Variants in SEC24D observed in about 807,000 individuals in gnomAD.
SEC24D encodes the protein protein transport protein Sec24D.
In SEC24D, 69 loss-of-function variants were observed where a neutral mutation model predicts 116.9. The observed-to-expected ratio is 0.59, with a 90% CI of 0.49 to 0.72. SEC24D has a LOEUF of 0.72. SEC24D is among the 30% of genes least tolerant of loss of function. The pLI is 0.00. For missense variants in SEC24D, 1,131 were observed against 1,264.1 expected, an observed-to-expected ratio of 0.89 and a Z score of 1.60; for synonymous variants, 405 against 442.8, an observed-to-expected ratio of 0.91 and a Z score of 1.07.
rs1213219036 is a variant in SEC24D at position 118,815,115 on chromosome 4, G to A, written c.714C>T (p.Tyr238=). Residue 238 remains tyrosine (Y), a synonymous_variant, in exon 6 of 23, where the codon TAC becomes TAT. Coordinates refer to ENST00000280551, the MANE Select transcript of SEC24D (RefSeq NM_014822.4). The part of the protein sequence containing the change: ...GPQMAGAQLS[Y]PGGFPGGPAQ... Reference sequence around the variant, plus strand: ...CAGGACCTCCAGGGAAGCCTCCTGGGTAAGACAGTTGTGCGCCTGCCATCT... The same window carrying A: ...CAGGACCTCCAGGGAAGCCTCCTGGATAAGACAGTTGTGCGCCTGCCATCT... The A allele has an allele frequency of 1.2e-6, 2 of 1,614,032 alleles. No homozygotes were observed. Among genetic ancestry groups the A allele is most frequent in the Non-Finnish European group, 1.7e-6 (2 of 1,180,006 alleles).
At chr4:118,816,024 T>C (rs1730131451) in intron 4 of SEC24D, among the ~76,000 whole-genome samples, 1 of 151,576 alleles carries the variant, frequency 6.6e-6, no homozygotes. Flanking sequence ...TGGGCTCCAG[T>C]GATCCTCCCA....
chr4:118,757,894 A>G, intron 10 of SEC24D, 49 bp from the exon 11 acceptor site: 1 of 1,492,940 alleles, frequency 6.7e-7, no homozygotes, highest in Non-Finnish European at 9.1e-7. Flanking sequence ...ACATTGCATA[A>G]TCAAATGTCA....
chr4:118,723,464 G>C lies in SEC24D; in HGVS notation c.*51C>G. ...TATCATCTAGAAAATTAGGCACCAA[G>C]AAGGAGATTATCTCCTTGGAAATGC... On this transcript the variant is annotated 3_prime_UTR_variant, in exon 23 of 23. Transcript: ENST00000280551. 1 of 1,543,570 alleles carries C rather than the reference G, an allele frequency of 6.5e-7. No individual in the cohort carries two copies. The highest frequency in any genetic ancestry group is 1.2e-5 in the South Asian group (1 of 82,726).
chr4:118,824,915 G>T (rs1354607021), intron 2 of SEC24D, among the ~76,000 whole-genome samples, 166 bp from the exon 3 acceptor site: 1 of 152,178 alleles, frequency 6.6e-6, no homozygotes, highest in Non-Finnish European at 1.5e-5. Flanking sequence ...TCAATACCAG[G>T]CTCTGGCATG....
intron 8 of SEC24D, among the ~76,000 whole-genome samples, chr4:118,770,387 A>G (rs547626601): frequency 6.6e-6 from 1 of 152,318 alleles, no homozygotes; most frequent in African/African-American, 2.4e-5. Flanking sequence ...GAAGAGTAAG[A>G]AGCGGAAGAC....
intron 10 of SEC24D, among the ~76,000 whole-genome samples, chr4:118,761,796 G>C (rs779412265): frequency 2.7e-4 from 41 of 152,240 alleles, no homozygotes; most frequent in Non-Finnish European, 5.3e-4. Context: ...CACTGTCCTA[G>C]TTGTCATGTC....
rs185330547 is a variant in SEC24D, at chr4:118,751,281, C to T, written c.1707+715G>A. 2.6e-3 allele frequency among the ~76,000 whole-genome samples: 388 copies of T among 149,850 alleles called. 5 individuals carry two copies. The highest frequency in any genetic ancestry group is 8.9e-3 in the African/African-American group (361 of 40,528). On this transcript the variant is annotated intron_variant, in intron 13 of 22. Coordinates refer to ENST00000280551, the MANE Select transcript of SEC24D (RefSeq NM_014822.4). ...ACAACCTCTGCCTCCCGGGTTCAAA[C>T]GATTCTCCCACCTCAGCCTCCCAAG... is the stretch of plus-strand genomic sequence containing the variant.
chr4:118,760,035 G>A (rs146383957), intron 10 of SEC24D, among the ~76,000 whole-genome samples: 1 of 152,270 alleles, frequency 6.6e-6, no homozygotes, highest in African/African-American at 2.4e-5. Flanking sequence ...AAATCTCACT[G>A]TCTCCATGGA....
At chr4:118,738,933 T>C (rs560062715) in intron 18 of SEC24D, among the ~76,000 whole-genome samples, 3 of 152,288 alleles carry the variant, frequency 2.0e-5, no homozygotes, top group African/African-American at 7.2e-5. Flanking sequence ...AGAAGTTAAC[T>C]TTAAGTAAGT....
intron 13 of SEC24D, among the ~76,000 whole-genome samples, chr4:118,751,175 G>GTTTTTTTT (rs1560635909): frequency 1.0e-5 from 1 of 97,328 alleles, no homozygotes; most frequent in Non-Finnish European, 2.3e-5. Flanking sequence ...TAGAGTGAGG[G>GTTTTTTTT]CTTTTTTTTT....
chr4:118,812,579 T>C (rs1729963606), intron 6 of SEC24D, among the ~76,000 whole-genome samples: 1 of 151,702 alleles, frequency 6.6e-6, no homozygotes, highest in Non-Finnish European at 1.5e-5. Context: ...CTGACAGACA[T>C]GGGAAGAGGC....
intron 8 of SEC24D, among the ~76,000 whole-genome samples, chr4:118,782,618 C>A (rs1728466345): frequency 6.6e-6 from 1 of 152,190 alleles, no homozygotes; most frequent in Non-Finnish European, 1.5e-5. Context: ...CAGGGAGAAC[C>A]ACTACTCTCT....
chr4:118,739,734 A>G (rs984750842), intron 17 of SEC24D, among the ~76,000 whole-genome samples: 2 of 152,224 alleles, frequency 1.3e-5, no homozygotes, highest in African/African-American at 4.8e-5. Context: ...ATGCATAGAT[A>G]GAAGCATTTC....
intron 8 of SEC24D, among the ~76,000 whole-genome samples, chr4:118,787,137 C>G (rs1198207815): frequency 2.0e-5 from 3 of 152,170 alleles, no homozygotes; most frequent in Non-Finnish European, 4.4e-5. Context: ...AGTACTTTTT[C>G]ATAGCACTAT....
At chr4:118,789,841 C>T (rs1039646138) in intron 8 of SEC24D, among the ~76,000 whole-genome samples, 1 of 152,202 alleles carries the variant, frequency 6.6e-6, no homozygotes, top group Non-Finnish European at 1.5e-5. Context: ...ACCTTGGCCT[C>T]CCAAAGTGCT....
chr4:118,812,539 G>A (rs938804184), intron 6 of SEC24D, among the ~76,000 whole-genome samples: 3 of 152,168 alleles, frequency 2.0e-5, no homozygotes, highest in Non-Finnish European at 2.9e-5. Flanking sequence ...GCGAGAGGAC[G>A]TGGAGGGAGA....
intron 19 of SEC24D, 55 bp from the exon 20 acceptor site, chr4:118,732,967 C>G: frequency 7.0e-7 from 1 of 1,419,176 alleles, no homozygotes; most frequent in Non-Finnish European, 9.9e-7. Flanking sequence ...GAACAATTCC[C>G]TGAGCTTCAT....
At chr4:118,799,412 G>A (rs1050250427) in intron 7 of SEC24D, among the ~76,000 whole-genome samples, 6 of 152,140 alleles carry the variant, frequency 3.9e-5, no homozygotes, top group Admixed American at 2.0e-4. Flanking sequence ...CTATTACACA[G>A]TCATACAGCA....
At chr4:118,754,977 C>A (rs1727015761) in intron 11 of SEC24D, among the ~76,000 whole-genome samples, 1 of 152,120 alleles carries the variant, frequency 6.6e-6, no homozygotes, top group African/African-American at 2.4e-5. Flanking sequence ...ATTACTATTT[C>A]CCATTGGATT....
Sources: allele counts gnomAD v4.1 joint callset (sites outside exome capture counted in the v4.1 genomes callset), GRCh38; gene constraint gnomAD v4.1.1; transcripts MANE v1.5; gene names NCBI Gene and HGNC (gene_info 2026-07-23, HGNC 2026-07-21).